The following CACNA1E variants were observed in gnomAD, a reference collection of about 807,000 sequenced individuals.
The protein encoded by CACNA1E is voltage-dependent R-type calcium channel subunit alpha-1E.
CACNA1E carries 40 observed loss-of-function variants against 259.2 expected under a neutral mutation model. The ratio of observed to expected loss-of-function variants is 0.15; its 90% CI spans 0.12 to 0.20. The LOEUF (loss-of-function observed/expected upper bound fraction) is 0.20. Ranked by LOEUF, CACNA1E falls within the 10% of genes least tolerant of loss-of-function variation. The pLI is 1.00. For synonymous variants in CACNA1E, 1,104 were observed against 1,138.5 expected (o/e 0.97, Z 0.61); for missense variants, 1,874 against 3,040.1 (o/e 0.62, Z 9.02).
intron 2 of CACNA1E, among the ~76,000 whole-genome samples, chr1:181,451,933 C>G (rs1219944114): frequency 6.6e-6 from 1 of 152,154 alleles, no homozygotes; most frequent in African/African-American, 2.4e-5. Context: ...CCAGAGATGT[C>G]TGACAAGGTT....
chr1:181,429,259 C>A (rs1659538726), intron 2 of CACNA1E, among the ~76,000 whole-genome samples: 1 of 151,746 alleles, frequency 6.6e-6, no homozygotes, highest in African/African-American at 2.4e-5. Flanking sequence ...GGCCTCTTCA[C>A]CTCTCTGGGC....
intron 6 of CACNA1E, among the ~76,000 whole-genome samples, chr1:181,600,889 A>G (rs555934119): frequency 3.5e-4 from 54 of 152,132 alleles, no homozygotes; most frequent in Non-Finnish European, 6.2e-4. Flanking sequence ...CTTAGTCTTG[A>G]AGAAGGCATA....
At chr1:181,719,679 G>T (rs1654247286) in intron 12 of CACNA1E, 72 bp from the exon 13 acceptor site, 1 of 744,068 alleles carries the variant, frequency 1.3e-6, no homozygotes, top group African/African-American at 1.7e-5. Context: ...TGTTGATGGT[G>T]TGCTGGGCGC....
chr1:181,788,432 CAG>C (rs1008856227), intron 43 of CACNA1E, among the ~76,000 whole-genome samples: 19 of 152,158 alleles, frequency 1.2e-4, no homozygotes, highest in African/African-American at 4.6e-4. Context: ...AGACATTAAA[CAG>C]AGGATTATTG....
intron 6 of CACNA1E, among the ~76,000 whole-genome samples, chr1:181,588,618 G>A (rs1652326959): frequency 6.6e-6 from 1 of 152,188 alleles, no homozygotes; most frequent in South Asian, 2.1e-4. Flanking sequence ...CTGATCTGGT[G>A]CCTGAATTTC....
At chr1:181,679,056 G>A (rs1217393189) in intron 7 of CACNA1E, among the ~76,000 whole-genome samples, 5 of 152,196 alleles carry the variant, frequency 3.3e-5, no homozygotes, top group Middle Eastern at 6.8e-3. Flanking sequence ...TTTGCATGAC[G>A]CACTTACTGG....
chr1:181,478,260 C>T (rs1280213889), intron 2 of CACNA1E, among the ~76,000 whole-genome samples: 2 of 152,170 alleles, frequency 1.3e-5, no homozygotes, highest in Non-Finnish European at 2.9e-5. Context: ...ACCAACTTTG[C>T]TGACCTGTGG....
At chr1:181,545,247 T>C (rs1218369368) in intron 3 of CACNA1E, among the ~76,000 whole-genome samples, 2 of 152,234 alleles carry the variant, frequency 1.3e-5, no homozygotes, top group African/African-American at 2.4e-5. Flanking sequence ...TCTAGGTTTT[T>C]TAAAACATGA....
intron 1 of CACNA1E, among the ~76,000 whole-genome samples, chr1:181,328,151 G>C (rs74127723): frequency 6.5e-4 from 99 of 152,302 alleles, no homozygotes; most frequent in African/African-American, 2.3e-3. Context: ...AGTTCTGGAG[G>C]CTGGGAAGTC....
chr1:181,437,048 A>C (rs765701593), intron 2 of CACNA1E, among the ~76,000 whole-genome samples: 2 of 152,208 alleles, frequency 1.3e-5, no homozygotes, highest in Non-Finnish European at 2.9e-5. Context: ...TTATCCATTA[A>C]AACACGAAAA....
intron 2 of CACNA1E, among the ~76,000 whole-genome samples, chr1:181,451,820 G>A (rs925821531): frequency 6.6e-6 from 1 of 152,200 alleles, no homozygotes; most frequent in Admixed American, 6.5e-5. Context: ...AGGGCCCAGG[G>A]CTAAGGAATT....
intron 32 of CACNA1E, among the ~76,000 whole-genome samples, chr1:181,761,891 C>T (rs1004348819): frequency 1.3e-5 from 2 of 152,176 alleles, no homozygotes; most frequent in Admixed American, 1.3e-4. Flanking sequence ...CATTGTATTA[C>T]TGCTTCCTTG....
chr1:181,605,799 C>T (rs1377667971), intron 6 of CACNA1E, among the ~76,000 whole-genome samples: 5 of 152,184 alleles, frequency 3.3e-5, no homozygotes, highest in Non-Finnish European at 7.3e-5. Flanking sequence ...TGAGGAGCTT[C>T]TCAGCATATA....
chr1:181,741,017 A>G (rs942996111), intron 25 of CACNA1E, among the ~76,000 whole-genome samples: 1 of 152,168 alleles, frequency 6.6e-6, no homozygotes, highest in African/African-American at 2.4e-5. Context: ...GATAAATATT[A>G]TCCTTAGGTT....
intron 2 of CACNA1E, among the ~76,000 whole-genome samples, chr1:181,420,026 C>T (rs1658605123): frequency 6.6e-6 from 1 of 152,088 alleles, no homozygotes; most frequent in Non-Finnish European, 1.5e-5. Context: ...CTTGGATTTA[C>T]TGTAGTGGGA....
intron 1 of CACNA1E, among the ~76,000 whole-genome samples, chr1:181,489,197 AG>A (rs1463743322): frequency 6.6e-6 from 1 of 152,238 alleles, no homozygotes; most frequent in Non-Finnish European, 1.5e-5. Context: ...GACATAAAAG[AG>A]GAAACCTAAA....
rs3766978 is a variant in CACNA1E, at chr1:181,658,451, T to C, written c.1055+7010T>C. On this transcript the variant is annotated intron_variant, in intron 7 of 47. Transcript: ENST00000367573. ...TACTCTGAGCCTGCTTCCTCCTCTG[T>C]AAAATGGGATAGCAATAGCTCTCTC... 0.014 allele frequency among the ~76,000 whole-genome samples: 2,199 copies of C among 152,324 alleles called. 154 individuals are homozygous for C. The East Asian group carries it at 0.2, about 14-fold the overall frequency.
At chr1:181,450,657 G>C (rs12407220) in intron 2 of CACNA1E, among the ~76,000 whole-genome samples, 3 of 152,096 alleles carry the variant, frequency 2.0e-5, no homozygotes, top group Non-Finnish European at 4.4e-5. Context: ...ACTAAAAAAC[G>C]AGATAATAAT....
intron 2 of CACNA1E, among the ~76,000 whole-genome samples, chr1:181,458,827 AT>A (rs1661620727): frequency 3.3e-5 from 1 of 30,082 alleles, no homozygotes; most frequent in Non-Finnish European, 6.6e-5. Context: ...TTATTTACCC[AT>A]CCATCCATCC....
Sources: allele counts gnomAD v4.1 joint callset (sites outside exome capture counted in the v4.1 genomes callset), GRCh38; gene constraint gnomAD v4.1.1; transcripts MANE v1.5; gene names NCBI Gene and HGNC (gene_info 2026-07-23, HGNC 2026-07-21).